The following MERTK variants were observed in gnomAD, a reference collection of about 807,000 sequenced individuals.
MERTK encodes the protein MER proto-oncogene, tyrosine kinase, also known as tyrosine-protein kinase Mer.
In MERTK, 69 loss-of-function variants were observed where a neutral mutation model predicts 99.3. That is an observed-to-expected ratio of 0.70 (90% CI 0.57 to 0.85). The LOEUF (loss-of-function observed/expected upper bound fraction) is 0.85, where lower values mean the gene tolerates loss of function less well. Among genes scored for constraint, MERTK ranks in the 40% least tolerant of loss-of-function variants. The pLI, the probability that MERTK is intolerant of heterozygous loss-of-function variation, is 0.00. For synonymous variants in MERTK, 426 were observed against 467.6 expected, an observed-to-expected ratio of 0.91 and a Z score of 1.15; for missense variants, 1,125 against 1,249.4, an observed-to-expected ratio of 0.90 and a Z score of 1.50.
intron 10 of MERTK, among the ~76,000 whole-genome samples, chr2:111,998,966 A>G (rs1676810988): frequency 6.6e-6 from 1 of 152,202 alleles, no homozygotes; most frequent in African/African-American, 2.4e-5. Context: ...TCATTTTTAA[A>G]TGAAAATACT....
chr2:111,994,241 C>A lies in MERTK; in HGVS notation c.1297-10C>A. The A allele has an allele frequency of 6.2e-7, 1 of 1,613,648 alleles. No homozygotes were observed. The highest frequency in any genetic ancestry group is 1.8e-4 in the Middle Eastern group (1 of 5,638). ...GTGTTTTCATTTCCTCTCTTCCTCT[C>A]TGTCTCCAGAAAGAGCTCTTGGAGG... On this transcript the variant is annotated splice_polypyrimidine_tract_variant and intron_variant, in intron 8 of 18. Coordinates refer to ENST00000295408, the MANE Select transcript of MERTK (RefSeq NM_006343.3).
intron 1 of MERTK, among the ~76,000 whole-genome samples, chr2:111,899,612 G>T (rs574659368): frequency 6.6e-6 from 1 of 152,210 alleles, no homozygotes; most frequent in Non-Finnish European, 1.5e-5. Flanking sequence ...CCGCCTCCCG[G>T]GTTCAAGCGA....
At chr2:111,990,149 A>T (rs1676585186) in intron 8 of MERTK, among the ~76,000 whole-genome samples, 2 of 152,190 alleles carry the variant, frequency 1.3e-5, no homozygotes, top group Non-Finnish European at 2.9e-5. Flanking sequence ...ATACTTGGGG[A>T]TATGAATTGG....
chr2:111,923,652 T>C lies in MERTK; in HGVS notation c.62-5468T>C, dbSNP rs755474343. Among the ~76,000 whole-genome samples, 45 of 152,174 alleles carry C rather than the reference T, an allele frequency of 3.0e-4. 1 individual carries two copies. The highest frequency in any genetic ancestry group is 3.2e-3 in the Middle Eastern group (1 of 316). On this transcript the variant is annotated intron_variant, in intron 1 of 18. Coordinates refer to ENST00000295408, the MANE Select transcript of MERTK (RefSeq NM_006343.3). ...GATAAGGTGGAGATTTCTTGTGAAT[T>C]CCACCCAAATTACAACCAGAGGCAC...
intron 6 of MERTK, among the ~76,000 whole-genome samples, chr2:111,969,927 A>G (rs13419106): frequency 0.55 from 84,174 of 151,720 alleles, 23,705 homozygotes; most frequent in Middle Eastern, 0.62. Flanking sequence ...TCCTGACCTC[A>G]TGATCCGCCT....
intron 2 of MERTK, chr2:111,940,599 A>G: frequency 1.5e-6 from 1 of 653,654 alleles, no homozygotes; most frequent in East Asian, 3.3e-5. Flanking sequence ...GGCAATCATC[A>G]TGACATTGAA....
intron 16 of MERTK, 133 bp downstream of exon 16, chr2:112,019,655 C>G (rs10168067): frequency 0.037 from 27,521 of 750,538 alleles, 605 homozygotes; most frequent in African/African-American, 0.055. Context: ...TGGCTTGCTC[C>G]GAAGATGGAA....
intron 18 of MERTK, among the ~76,000 whole-genome samples, chr2:112,025,230 A>G (rs373565157): frequency 2.6e-5 from 4 of 152,126 alleles, no homozygotes; most frequent in African/African-American, 9.7e-5. Context: ...ATCAACCCAC[A>G]CACAGCTGGC....
In MERTK at chr2:112,022,509, G is replaced by A. The variant is rs369878885; in HGVS notation, c.2486+115G>A. On this transcript the variant is annotated intron_variant, in intron 18 of 18. Coordinates refer to ENST00000295408, the MANE Select transcript of MERTK (RefSeq NM_006343.3). ...GAAAGGGACTGCTGTTAGCCAGGTG[G>A]GCATGTGCAGAGGGGTGGAACCCAC... 1.3e-5 allele frequency: 19 copies of A among 1,505,070 alleles called. No individual in the cohort carries two copies. In the African/African-American group the frequency reaches 2.6e-4, roughly 21 times the overall value. The allele number at this position is 1,505,070 out of a possible 1,614,324, so 93.2% of individuals were successfully genotyped here.
intron 13 of MERTK, among the ~76,000 whole-genome samples, chr2:112,004,929 A>G (rs1191045115): frequency 6.6e-6 from 1 of 152,174 alleles, no homozygotes; most frequent in African/African-American, 2.4e-5. Context: ...TAGCCAAATG[A>G]AGAATAGAGC....
chr2:111,923,583 T>C (rs563568310), intron 1 of MERTK, among the ~76,000 whole-genome samples: 1 of 152,334 alleles, frequency 6.6e-6, no homozygotes, highest in African/African-American at 2.4e-5. Context: ...TCCAGCTGTT[T>C]ATCCAGTCCA....
intron 13 of MERTK, among the ~76,000 whole-genome samples, chr2:112,005,862 A>G (rs576413004): frequency 2.5e-4 from 38 of 152,250 alleles, no homozygotes; most frequent in African/African-American, 8.2e-4. Flanking sequence ...TGAGACTCTT[A>G]AATGAAAAGG....
intron 13 of MERTK, among the ~76,000 whole-genome samples, chr2:112,007,793 T>TA (rs965353798): frequency 2.6e-5 from 4 of 151,686 alleles, no homozygotes; most frequent in African/African-American, 9.7e-5. Context: ...TTTCTTTTTT[T>TA]AAAAAAAGCA....
chr2:111,914,300 CAG>C (rs1335528771), intron 1 of MERTK, among the ~76,000 whole-genome samples: 2 of 151,746 alleles, frequency 1.3e-5, no homozygotes, highest in Non-Finnish European at 2.9e-5. Context: ...TTGTTTGAGA[CAG>C]AGTCTTGCTC....
At chr2:111,911,847 G>A (rs114854870) in intron 1 of MERTK, among the ~76,000 whole-genome samples, 2 of 151,682 alleles carry the variant, frequency 1.3e-5, no homozygotes, top group Non-Finnish European at 1.5e-5. Context: ...TGCCAACACA[G>A]CCAGCTGTTT....
Position 112,028,853 on chromosome 2 carries a change from G to A in MERTK, c.2989G>A (p.Val997Ile). 2 of 1,613,904 alleles carry A rather than the reference G, an allele frequency of 1.2e-6. No homozygotes were observed. Among genetic ancestry groups the A allele is most frequent in the Non-Finnish European group, 1.7e-6 (2 of 1,180,032 alleles). Reference protein sequence around the residue: ...FADDSSEGSEVLM With the variant: ...FADDSSEGSEILM ...TGACGACTCCTCAGAAGGCTCAGAA[G>A]TCCTGATGTGAGGAGAGGTGCGGGG... Residue 997 changes from valine to isoleucine, a missense_variant, in exon 19 of 19, where the codon GTC (valine) becomes ATC (isoleucine). Val to Ile is a conservative substitution (Grantham distance 29). Transcript: ENST00000295408.
chr2:111,939,860 A>G (rs372605646), intron 2 of MERTK, among the ~76,000 whole-genome samples: 5 of 151,836 alleles, frequency 3.3e-5, no homozygotes, highest in Non-Finnish European at 1.5e-5. Context: ...TTTCCTAAGT[A>G]TCAATCACTC....
chr2:111,992,903 G>A (rs1232564007), intron 8 of MERTK, among the ~76,000 whole-genome samples: 1 of 152,170 alleles, frequency 6.6e-6, no homozygotes. Flanking sequence ...AGAAGTACAG[G>A]TCAAACAACC....
At chr2:111,947,226 T>G (rs1684974973) in intron 3 of MERTK, among the ~76,000 whole-genome samples, 168 bp from the exon 4 acceptor site, 1 of 152,132 alleles carries the variant, frequency 6.6e-6, no homozygotes, top group Admixed American at 6.5e-5. Context: ...TGAGCCGACA[T>G]CAGGCCACTG....
Sources: gnomAD v4.1 joint callset for allele counts (sites outside exome capture counted in the v4.1 genomes callset) on GRCh38, gnomAD v4.1.1 for gene constraint, MANE v1.5 for transcripts, NCBI Gene and HGNC (gene_info 2026-07-23, HGNC 2026-07-21) for gene names.